GALNT17: variants seen among roughly 807,000 people sequenced by gnomAD.
GALNT17 encodes polypeptide N-acetylgalactosaminyltransferase 17.
In GALNT17, 29 loss-of-function variants were observed where a neutral mutation model predicts 63.7. That is an observed-to-expected ratio of 0.46 (90% CI 0.34 to 0.62). GALNT17 has a LOEUF of 0.62. GALNT17 is among the 20% of genes least tolerant of loss of function. GALNT17 has a pLI of 0.01. For synonymous variants in GALNT17, 305 were observed against 318.3 expected (o/e 0.96, Z 0.45); for missense variants, 603 against 799.6 (o/e 0.75, Z 2.97).
intron 1 of GALNT17, among the ~76,000 whole-genome samples, chr7:71,139,632 G>A (rs1429253233): frequency 2.0e-5 from 3 of 152,090 alleles, no homozygotes; most frequent in Non-Finnish European, 4.4e-5. Context: ...CCCTAGGCAA[G>A]GAGAGTGATT....
At chr7:71,401,411 A>T (rs1338983029) in intron 3 of GALNT17, among the ~76,000 whole-genome samples, 1 of 151,890 alleles carries the variant, frequency 6.6e-6, no homozygotes, top group Non-Finnish European at 1.5e-5. Flanking sequence ...ATACTCTTTT[A>T]TATGTCTTAT....
At chr7:71,626,168 C>T (rs1391195706) in intron 6 of GALNT17, among the ~76,000 whole-genome samples, 1 of 149,968 alleles carries the variant, frequency 6.7e-6, no homozygotes, top group Admixed American at 6.7e-5. Flanking sequence ...CACTTGAACC[C>T]GGGAGGTGGA....
At chr7:71,192,384 G>A (rs1788967724) in intron 1 of GALNT17, among the ~76,000 whole-genome samples, 1 of 150,542 alleles carries the variant, frequency 6.6e-6, no homozygotes, top group Non-Finnish European at 1.5e-5. Context: ...CACAGGGCAA[G>A]TGTATATTTA....
At position 71,677,305 on chromosome 7, in the gene GALNT17, A is replaced by G. The variant is rs1791166393; in HGVS notation, c.1499A>G (p.Gln500Arg). The change falls in exon 9 of 11, where the codon CAG becomes CGG. Residue 500 changes from glutamine (Q) to arginine (R), a missense_variant and splice_region_variant. Transcript: ENST00000333538. Reference sequence around the variant, plus strand: ...TATCCGTGCCATGGCTGGGGACCACAGGTAGGAGCTCGTCTCTGACCAGGA... The same window carrying G: ...TATCCGTGCCATGGCTGGGGACCACGGGTAGGAGCTCGTCTCTGACCAGGA... Reference protein sequence around the residue: ...ILYPCHGWGPQLARYTKEGFL... With the variant: ...ILYPCHGWGPRLARYTKEGFL... 1 of 1,613,498 alleles carries G rather than the reference A, an allele frequency of 6.2e-7. No individual in the cohort carries two copies. The highest frequency in any genetic ancestry group is 8.5e-7 in the Non-Finnish European group (1 of 1,179,638).
At chr7:71,201,241 T>TTATATATATATATATATATATATATA (rs760770848) in intron 1 of GALNT17, among the ~76,000 whole-genome samples, 13 of 138,434 alleles carry the variant, frequency 9.4e-5, no homozygotes, top group African/African-American at 3.7e-4. Flanking sequence ...GTGTTTATTT[T>TTATATATATATATATATATATATATA]TATATATATA....
intron 1 of GALNT17, among the ~76,000 whole-genome samples, chr7:71,142,675 T>A (rs1787937893): frequency 6.6e-6 from 1 of 152,206 alleles, no homozygotes; most frequent in African/African-American, 2.4e-5. Flanking sequence ...GTGCGGTGGC[T>A]CACGCCTGTA....
intron 8 of GALNT17, among the ~76,000 whole-genome samples, chr7:71,671,616 G>C (rs372739156): frequency 1.2e-4 from 18 of 152,298 alleles, no homozygotes; most frequent in Middle Eastern, 3.4e-3. Context: ...GTTACCAGCT[G>C]TGTGGGTCTG....
chr7:71,391,203 C>T (rs1233352236), intron 3 of GALNT17, among the ~76,000 whole-genome samples: 1 of 152,090 alleles, frequency 6.6e-6, no homozygotes, highest in South Asian at 2.1e-4. Flanking sequence ...GGAGGTGGCC[C>T]GGGGCTAGAA....
intron 1 of GALNT17, among the ~76,000 whole-genome samples, chr7:71,134,045 A>C (rs1787736902): frequency 6.6e-6 from 1 of 152,248 alleles, no homozygotes; most frequent in Admixed American, 6.5e-5. Flanking sequence ...CAAGTACATT[A>C]TCTCACTGTA....
chr7:71,587,611 G>T (rs1006963104), intron 6 of GALNT17, among the ~76,000 whole-genome samples: 1 of 151,904 alleles, frequency 6.6e-6, no homozygotes, highest in Non-Finnish European at 1.5e-5. Flanking sequence ...AGTTTATATG[G>T]TTCTATCTTT....
chr7:71,436,295 C>G (rs925129333), intron 5 of GALNT17, among the ~76,000 whole-genome samples: 1 of 152,156 alleles, frequency 6.6e-6, no homozygotes, highest in Non-Finnish European at 1.5e-5. Flanking sequence ...GAGCTGTAAT[C>G]ATTCCACTGC....
chr7:71,367,056 GGTGAACTAT>G (rs1422745703), intron 2 of GALNT17, among the ~76,000 whole-genome samples: 1 of 151,998 alleles, frequency 6.6e-6, no homozygotes. Context: ...TCTACCTATT[GGTGAACTAT>G]GTTGTTAGGT....
chr7:71,711,952 T>C, intron 10 of GALNT17, 66 bp from the exon 11 acceptor site: 1 of 1,555,770 alleles, frequency 6.4e-7, no homozygotes, highest in South Asian at 1.1e-5. Context: ...CTCCTCTCTC[T>C]ATATCTCTCG....
At chr7:71,181,942 A>T (rs1426986029) in intron 1 of GALNT17, among the ~76,000 whole-genome samples, 2 of 152,006 alleles carry the variant, frequency 1.3e-5, no homozygotes, top group Non-Finnish European at 2.9e-5. Flanking sequence ...TTGGGAGGCC[A>T]AGGCGGGCGG....
intron 5 of GALNT17, among the ~76,000 whole-genome samples, chr7:71,478,544 G>A (rs1163184880): frequency 2.0e-5 from 3 of 152,020 alleles, no homozygotes; most frequent in Non-Finnish European, 4.4e-5. Flanking sequence ...TCAAACTCCT[G>A]GGCTCAACCT....
At chr7:71,340,616 A>G (rs1337677080) in intron 2 of GALNT17, among the ~76,000 whole-genome samples, 1 of 152,220 alleles carries the variant, frequency 6.6e-6, no homozygotes, top group African/African-American at 2.4e-5. Flanking sequence ...GTTATAAAAG[A>G]TGTTAACAAC....
chr7:71,418,875 A>T lies in GALNT17; in HGVS notation c.765-2033A>T, dbSNP rs1482917257. Reference sequence around the variant, plus strand: ...CACTTTGGGAGGCTGAGGCGGGCGGATCACCTGAGGTCAGGAGTTCGAGAC... The same window carrying T: ...CACTTTGGGAGGCTGAGGCGGGCGGTTCACCTGAGGTCAGGAGTTCGAGAC... On this transcript the variant is annotated intron_variant, in intron 4 of 10. Transcript: ENST00000333538. 2.0e-5 allele frequency among the ~76,000 whole-genome samples: 3 copies of T among 152,278 alleles called. No homozygotes were observed. The East Asian group carries it at 5.8e-4, about 29-fold the overall frequency.
intron 5 of GALNT17, among the ~76,000 whole-genome samples, chr7:71,525,526 G>A (rs1788609627): frequency 6.6e-6 from 1 of 151,068 alleles, no homozygotes; most frequent in Non-Finnish European, 1.5e-5. Flanking sequence ...GTGGTAATGA[G>A]TAAGTCTCAT....
chr7:71,404,776 C>T (rs935129417), intron 3 of GALNT17, among the ~76,000 whole-genome samples: 3 of 152,198 alleles, frequency 2.0e-5, no homozygotes, highest in African/African-American at 7.2e-5. Context: ...CCAAAAGATT[C>T]CCTGGATGCC....
Sources: allele counts gnomAD v4.1 joint callset (sites outside exome capture counted in the v4.1 genomes callset), GRCh38; gene constraint gnomAD v4.1.1; transcripts MANE v1.5; gene names NCBI Gene and HGNC (gene_info 2026-07-23, HGNC 2026-07-21).